Variants in TBC1D4 observed in about 807,000 individuals in gnomAD.
TBC1D4 encodes the protein TBC (Tre-2, BUB2, CDC16) domain-containing protein.
TBC1D4 carries 121 observed loss-of-function variants against 142.5 expected under a neutral mutation model. That is an observed-to-expected ratio of 0.85 (90% CI 0.73 to 0.99). TBC1D4 has a LOEUF of 0.99. Ranked by LOEUF, TBC1D4 falls within the 50% of genes least tolerant of loss-of-function variation. The pLI is 0.00. For synonymous variants in TBC1D4, 630 were observed against 628.2 expected, an observed-to-expected ratio of 1.00 and a Z score of -0.04; for missense variants, 1,475 against 1,606.6, an observed-to-expected ratio of 0.92 and a Z score of 1.40.
chr13:75,471,651 T>G (rs1355340998), intron 1 of TBC1D4, among the ~76,000 whole-genome samples: 2 of 151,520 alleles, frequency 1.3e-5, no homozygotes, highest in African/African-American at 4.8e-5. Flanking sequence ...GGCAGGAGAA[T>G]TGCTTGAACC....
At chr13:75,299,692 G>T (rs1876321118) in intron 16 of TBC1D4, 118 bp from the exon 17 acceptor site, 3 of 1,244,440 alleles carry the variant, frequency 2.4e-6, no homozygotes, top group Non-Finnish European at 3.4e-6. Flanking sequence ...AAACCAGTGA[G>T]AGTTGCTTAG....
intron 2 of TBC1D4, 133 bp downstream of exon 2, chr13:75,361,893 T>G: frequency 9.1e-7 from 1 of 1,103,868 alleles, no homozygotes; most frequent in Non-Finnish European, 1.3e-6. Context: ...CTGCCTTATC[T>G]GCTTTGAAGG....
At chr13:75,324,888 A>G (rs1301927061) in intron 10 of TBC1D4, among the ~76,000 whole-genome samples, 1 of 152,230 alleles carries the variant, frequency 6.6e-6, no homozygotes, top group Non-Finnish European at 1.5e-5. Context: ...CTTAACAAAC[A>G]TTAATGTCCG....
intron 1 of TBC1D4, among the ~76,000 whole-genome samples, chr13:75,363,129 G>A (rs1241927338): frequency 6.6e-6 from 1 of 152,084 alleles, no homozygotes; most frequent in Non-Finnish European, 1.5e-5. Flanking sequence ...CAAGGACATG[G>A]GAGCAACTGA....
At chr13:75,455,307 C>T (rs1887685093) in intron 1 of TBC1D4, among the ~76,000 whole-genome samples, 1 of 152,160 alleles carries the variant, frequency 6.6e-6, no homozygotes, top group Non-Finnish European at 1.5e-5. Context: ...GAATTGAACC[C>T]TATGGTTATA....
rs141778655 is a variant in TBC1D4, at chr13:75,301,692, C to T, written c.2911+551G>A. ...TATGATTCTGTCACTGGAAATTCTC[C>T]GCCAGGTCATGAGTACCCATTCCTA... On this transcript the variant is annotated intron_variant, in intron 16 of 20. Coordinates refer to ENST00000377636, the MANE Select transcript of TBC1D4 (RefSeq NM_014832.5). Among the ~76,000 whole-genome samples the T allele has an allele frequency of 3.5e-3, 537 of 152,098 alleles. 1 individual carries two copies. Among genetic ancestry groups the T allele is most frequent in the African/African-American group, 0.012 (504 of 41,506 alleles).
chr13:75,359,693 C>T, intron 3 of TBC1D4, 76 bp downstream of exon 3: 2 of 1,193,704 alleles, frequency 1.7e-6, no homozygotes, highest in South Asian at 1.3e-5. Context: ...TGAAGGGGGT[C>T]AAGCCCACTT....
chr13:75,432,327 G>A (rs1013540663), intron 1 of TBC1D4, among the ~76,000 whole-genome samples: 2 of 152,184 alleles, frequency 1.3e-5, no homozygotes, highest in Non-Finnish European at 2.9e-5. Context: ...AACCTCGTGA[G>A]ACTATGACTA....
At chr13:75,480,444 C>T (rs1344265235) in intron 1 of TBC1D4, among the ~76,000 whole-genome samples, 5 of 152,018 alleles carry the variant, frequency 3.3e-5, no homozygotes, top group Non-Finnish European at 7.4e-5. Flanking sequence ...TAGTCAAGTT[C>T]TCCTCTCCCT....
rs1156752128 is a variant in TBC1D4 at position 75,341,565 on chromosome 13, C to T, written c.1431G>A (p.Lys477=). The T allele has an allele frequency of 6.2e-7, 1 of 1,614,024 alleles. No homozygotes were observed. Among genetic ancestry groups the T allele is most frequent in the Admixed American group, 1.7e-5 (1 of 60,010 alleles). ...RIEGLYPPRA[K]LVIQRHLSSL... is the part of the protein sequence containing the mutation. ...ATGAGAGATGCCTCTGTATCACCAG[C>T]TTGGCTCTTGGTGGGTAGAGACCTA... The change falls in exon 6 of 21, where the codon AAG becomes AAA. Residue 477 remains lysine, a synonymous_variant. Transcript: ENST00000377636.
chr13:75,383,780 T>A (rs1396632764), intron 1 of TBC1D4, among the ~76,000 whole-genome samples: 1 of 152,200 alleles, frequency 6.6e-6, no homozygotes, highest in Non-Finnish European at 1.5e-5. Flanking sequence ...GGTCTTGGAA[T>A]GTGTCCCCCA....
chr13:75,377,592 G>T (rs917471702), intron 1 of TBC1D4, among the ~76,000 whole-genome samples: 1 of 151,002 alleles, frequency 6.6e-6, no homozygotes, highest in Non-Finnish European at 1.5e-5. Flanking sequence ...CAAGACATTC[G>T]GTTACTCTAC....
Position 75,362,683 on chromosome 13 carries a change from C to A in TBC1D4, c.499-76G>T. Reference sequence around the variant, plus strand: ...TTACATTTACCTAGCCCAATTATTACCACATGGAATGTATTTTCATCCTAA... The same window carrying A: ...TTACATTTACCTAGCCCAATTATTAACACATGGAATGTATTTTCATCCTAA... On this transcript the variant is annotated intron_variant, in intron 1 of 20. Coordinates refer to ENST00000377636, the MANE Select transcript of TBC1D4 (RefSeq NM_014832.5). The surrounding 1 kb of genome is among the most constrained non-coding windows in gnomAD (Gnocchi z 4.2). 1.4e-6 allele frequency: 2 copies of A among 1,467,042 alleles called. No individual in the cohort carries two copies. The highest frequency in any genetic ancestry group is 1.9e-6 in the Non-Finnish European group (2 of 1,056,842). The allele number at this position is 1,467,042 out of a possible 1,614,324, so 90.9% of individuals were successfully genotyped here. A position where few individuals can be genotyped will look rare whatever the true frequency, so the allele number is the denominator to read the frequency against.
intron 1 of TBC1D4, among the ~76,000 whole-genome samples, chr13:75,454,377 C>T: frequency 6.6e-6 from 1 of 152,072 alleles, no homozygotes. Context: ...ATTTAAAATA[C>T]CTACTCCTGC....
chr13:75,372,506 G>A (rs1030979384), intron 1 of TBC1D4, among the ~76,000 whole-genome samples: 1 of 151,842 alleles, frequency 6.6e-6, no homozygotes, highest in Non-Finnish European at 1.5e-5. Context: ...CTGACCTCAA[G>A]TGATCTGCCT....
chr13:75,341,304 A>G lies in TBC1D4; in HGVS notation c.1501-69T>C, dbSNP rs1880681314. 12 of 1,475,052 alleles carry G rather than the reference A, an allele frequency of 8.1e-6. No homozygotes were observed. In the East Asian group the frequency reaches 9.1e-5, roughly 11 times the overall value. The allele number at this position is 1,475,052 out of a possible 1,614,324, so 91.4% of individuals were successfully genotyped here. A position where few individuals can be genotyped will look rare whatever the true frequency, so the allele number is the denominator to read the frequency against. Reference sequence around the variant, plus strand: ...TCCCTCCTTTTATTCTGTCGGGCAGACAAACGTAAATAAAGCTAAGAGTTT... The same window carrying G: ...TCCCTCCTTTTATTCTGTCGGGCAGGCAAACGTAAATAAAGCTAAGAGTTT... On this transcript the variant is annotated intron_variant, in intron 6 of 20. Coordinates refer to ENST00000377636, the MANE Select transcript of TBC1D4 (RefSeq NM_014832.5).
chr13:75,370,920 A>G (rs532863467), intron 1 of TBC1D4, among the ~76,000 whole-genome samples: 1 of 152,330 alleles, frequency 6.6e-6, no homozygotes, highest in African/African-American at 2.4e-5. Flanking sequence ...AGCTAGGCAG[A>G]AACACAGAGG....
At chr13:75,310,443 C>T (rs1158015746) in intron 13 of TBC1D4, among the ~76,000 whole-genome samples, 1 of 152,078 alleles carries the variant, frequency 6.6e-6, no homozygotes, top group East Asian at 1.9e-4. Context: ...TCTCCTGAGT[C>T]CAACACTTCT....
intron 3 of TBC1D4, among the ~76,000 whole-genome samples, chr13:75,357,728 G>C (rs576794165): frequency 1.2e-4 from 18 of 152,150 alleles, no homozygotes; most frequent in Non-Finnish European, 2.5e-4. Flanking sequence ...AAATCAGGCT[G>C]TTCCTGAAAA....
Sources: gnomAD v4.1 joint callset for allele counts (sites outside exome capture counted in the v4.1 genomes callset) on GRCh38, gnomAD v4.1.1 for gene constraint, Gnocchi (gnomAD v3.1) non-coding constraint, MANE v1.5 for transcripts, NCBI Gene and HGNC (gene_info 2026-07-23, HGNC 2026-07-21) for gene names.